The following PIGP variants were observed in gnomAD, a reference collection of about 807,000 sequenced individuals.
PIGP encodes phosphatidylinositol N-acetylglucosaminyltransferase subunit P.
Under a neutral mutation model 16.9 loss-of-function variants are expected in PIGP, and 12 were observed. The observed-to-expected ratio is 0.71, with a 90% CI of 0.46 to 1.15. The LOEUF is 1.15. PIGP is among the 50% of genes most tolerant of loss of function. The pLI, the probability that PIGP is intolerant of heterozygous loss-of-function variation, is 0.00. For missense variants in PIGP, 159 were observed against 153.5 expected (o/e 1.04, Z -0.19); for synonymous variants, 57 against 54.7 (o/e 1.04, Z -0.18).
intron 4 of PIGP, among the ~76,000 whole-genome samples, chr21:37,065,948 T>C (rs2069895005): frequency 6.6e-6 from 1 of 152,108 alleles, no homozygotes; most frequent in South Asian, 2.1e-4. Context: ...CCTGGTGAGG[T>C]GGCGGGCGCC....
At chr21:37,072,252 C>T (rs1408892930) in intron 2 of PIGP, 182 bp downstream of exon 2, 2 of 1,611,260 alleles carry the variant, frequency 1.2e-6, no homozygotes, top group Non-Finnish European at 1.7e-6. Context: ...AGACTAAAAC[C>T]TCCTAGGCTA....
intron 4 of PIGP, among the ~76,000 whole-genome samples, chr21:37,066,005 C>T (rs1023644417): frequency 2.6e-5 from 4 of 152,070 alleles, no homozygotes; most frequent in Admixed American, 2.6e-4. Flanking sequence ...ACAGCGTGAA[C>T]CCAGGGGGCG....
chr21:37,071,974 G>A (rs1177200479), intron 2 of PIGP, among the ~76,000 whole-genome samples: 2 of 152,092 alleles, frequency 1.3e-5, no homozygotes, highest in East Asian at 1.9e-4. Flanking sequence ...ACCCTCTCAC[G>A]CCCTCATTCA....
chr21:37,072,797 G>A (rs1335494482), intron 1 of PIGP: 3 of 554,644 alleles, frequency 5.4e-6, no homozygotes, highest in Non-Finnish European at 9.5e-6. Context: ...CTGCAAGCGT[G>A]GCCTCCCTGT....
chr21:37,068,924 C>CA (rs2069952195), intron 3 of PIGP, among the ~76,000 whole-genome samples: 1 of 152,202 alleles, frequency 6.6e-6, no homozygotes, highest in Non-Finnish European at 1.5e-5. Flanking sequence ...TTCCCACACT[C>CA]AGACTTAGTG....
rs764472857 is a variant in PIGP at position 37,072,567 on chromosome 21, C to A, written c.-22-30G>T. The A allele has an allele frequency of 2.5e-6, 4 of 1,614,194 alleles. No homozygotes were observed. The highest frequency in any genetic ancestry group is 3.4e-6 in the Non-Finnish European group (4 of 1,180,016). The stretch of plus-strand genomic sequence containing the variant: ...GGAAAAGGAACACAATCAGCGTCAG[C>A]GATGTGCTCCGTGGCACCATTGATC... On this transcript the variant is annotated intron_variant, in intron 1 of 4. Transcript: ENST00000360525.
At chr21:37,068,835 A>G (rs1276084891) in intron 3 of PIGP, among the ~76,000 whole-genome samples, 3 of 151,994 alleles carry the variant, frequency 2.0e-5, no homozygotes, top group Non-Finnish European at 2.9e-5. Flanking sequence ...CCCAAGAGGG[A>G]AGATGGAGCA....
chr21:37,072,261 T>C, intron 2 of PIGP, 173 bp downstream of exon 2: 1 of 1,610,724 alleles, frequency 6.2e-7, no homozygotes. Context: ...CCTCCTAGGC[T>C]AGTGCTGGCA....
chr21:37,066,773 C>A (rs1048557802), intron 4 of PIGP, among the ~76,000 whole-genome samples: 7 of 152,166 alleles, frequency 4.6e-5, no homozygotes, highest in African/African-American at 1.4e-4. Context: ...TTAATGGGAA[C>A]ATATTATAGA....
At chr21:37,072,694 G>A (rs2070182644) in intron 1 of PIGP, 157 bp from the exon 2 acceptor site, 12 of 1,301,008 alleles carry the variant, frequency 9.2e-6, no homozygotes, top group Non-Finnish European at 1.3e-5. Flanking sequence ...AGCGCATACA[G>A]ACACCCAGGC....
chr21:37,071,820 G>A (rs2146814366), intron 2 of PIGP, among the ~76,000 whole-genome samples: 1 of 152,256 alleles, frequency 6.6e-6, no homozygotes, highest in Non-Finnish European at 1.5e-5. Context: ...CTCCTTATCT[G>A]TAAAATGGAA....
Position 37,065,726 on chromosome 21 carries a change from C to A in PIGP, c.275-14G>T. 1 of 1,609,852 alleles carries A rather than the reference C, an allele frequency of 6.2e-7. No individual in the cohort carries two copies. The stretch of plus-strand genomic sequence containing the variant: ...TTGCATAGTTATCTGTAAGAAAAGA[C>A]CAAAAAGCTCTGTTTACCTAAGCAA... On this transcript the variant is annotated splice_polypyrimidine_tract_variant and intron_variant, in intron 4 of 4. Coordinates refer to ENST00000360525, the MANE Select transcript of PIGP (RefSeq NM_153682.3).
intron 3 of PIGP, 85 bp from the exon 4 acceptor site, chr21:37,067,465 T>C: frequency 1.3e-6 from 1 of 748,264 alleles, no homozygotes; most frequent in Non-Finnish European, 2.3e-6. Flanking sequence ...CAACATGTTT[T>C]TTAAATTTAA....
chr21:37,069,711 C>T (rs2069968626), intron 2 of PIGP, 87 bp from the exon 3 acceptor site: 1 of 909,558 alleles, frequency 1.1e-6, no homozygotes, highest in Non-Finnish European at 1.7e-6. Context: ...TCAGATAAAA[C>T]AGAAAAGCTC....
At chr21:37,065,806 G>A (rs2069892933) in intron 4 of PIGP, 94 bp from the exon 5 acceptor site, 5 of 1,038,276 alleles carry the variant, frequency 4.8e-6, no homozygotes, top group Admixed American at 2.3e-5. Flanking sequence ...TTACTAGGCT[G>A]ACGTTTGGAT....
At chr21:37,072,019 TC>T (rs1470987531) in intron 2 of PIGP, 2 of 738,860 alleles carry the variant, frequency 2.7e-6, no homozygotes, top group Non-Finnish European at 5.0e-6. Context: ...TCTTACTCTT[TC>T]CTAATCAGCA....
chr21:37,072,339 C>T, intron 2 of PIGP, 95 bp downstream of exon 2: 2 of 1,596,090 alleles, frequency 1.3e-6, no homozygotes, highest in Admixed American at 1.7e-5. Context: ...GAGAAAGAAT[C>T]AACAGTTCAT....
intron 3 of PIGP, among the ~76,000 whole-genome samples, chr21:37,068,334 CTTTGT>C (rs764045209): frequency 7.3e-5 from 11 of 151,134 alleles, no homozygotes; most frequent in East Asian, 3.9e-4. Flanking sequence ...TAGAGATTAC[CTTTGT>C]TTTATTTTCC....
At chr21:37,071,275 A>G (rs2070005878) in intron 2 of PIGP, among the ~76,000 whole-genome samples, 2 of 152,242 alleles carry the variant, frequency 1.3e-5, no homozygotes, top group Non-Finnish European at 2.9e-5. Context: ...GAGTGAAGTC[A>G]GCCAGTGTAT....
Sources: allele counts gnomAD v4.1 joint callset (sites outside exome capture counted in the v4.1 genomes callset), GRCh38; gene constraint gnomAD v4.1.1; transcripts MANE v1.5; gene names NCBI Gene and HGNC (gene_info 2026-07-23, HGNC 2026-07-21).